The following MALRD1 variants were observed in gnomAD, a reference collection of about 807,000 sequenced individuals.
The protein encoded by MALRD1 is MAM and LDL receptor class A domain containing 1, also known as MAM and LDL-receptor class A domain-containing protein 1.
Under a neutral mutation model 242.1 loss-of-function variants are expected in MALRD1, and 247 were observed. The ratio of observed to expected loss-of-function variants is 1.02; its 90% CI spans 0.92 to 1.13. The LOEUF (loss-of-function observed/expected upper bound fraction) is 1.13. Ranked by LOEUF, MALRD1 falls within the 50% of genes most tolerant of loss-of-function variation. MALRD1 has a pLI of 0.00. For synonymous variants in MALRD1, 995 were observed against 866.6 expected (o/e 1.15, Z -2.60); for missense variants, 2,989 against 2,533.1 (o/e 1.18, Z -3.86).
chr10:19,212,347 T>C (rs1414198471), intron 18 of MALRD1, among the ~76,000 whole-genome samples: 1 of 152,224 alleles, frequency 6.6e-6, no homozygotes, highest in African/African-American at 2.4e-5. Flanking sequence ...TATGCACTTT[T>C]TTGTCTGACA....
intron 36 of MALRD1, among the ~76,000 whole-genome samples, chr10:19,654,417 C>T (rs1269028333): frequency 6.6e-6 from 1 of 152,038 alleles, no homozygotes; most frequent in Non-Finnish European, 1.5e-5. Flanking sequence ...ATTTATAGTG[C>T]AAGCATCAAT....
intron 36 of MALRD1, among the ~76,000 whole-genome samples, chr10:19,656,736 A>G (rs1841170109): frequency 6.6e-6 from 1 of 152,188 alleles, no homozygotes; most frequent in African/African-American, 2.4e-5. Flanking sequence ...TGATGATTTT[A>G]GAGCAGACAA....
rs903350106 is a variant in MALRD1 at position 19,498,475 on chromosome 10, G to C, written c.5159-10G>C. 2.0e-6 allele frequency: 3 copies of C among 1,535,380 alleles called. No homozygotes were observed. In the African/African-American group the frequency reaches 4.2e-5, roughly 21 times the overall value. ...TTCCAGAAATTCCATTAATGTTTTT[G>C]CTTCCCCAGCACATTATACAAGCAC... On this transcript the variant is annotated splice_polypyrimidine_tract_variant and intron_variant, in intron 30 of 39. Coordinates refer to ENST00000454679, the MANE Select transcript of MALRD1 (RefSeq NM_001142308.3).
chr10:19,345,498 G>T (rs1372728172), intron 24 of MALRD1, among the ~76,000 whole-genome samples: 2 of 151,976 alleles, frequency 1.3e-5, no homozygotes, highest in East Asian at 3.9e-4. Context: ...CCTTTGAAAG[G>T]ATACTTAGAA....
chr10:19,211,705 A>C (rs951167847), intron 18 of MALRD1, among the ~76,000 whole-genome samples: 15 of 150,762 alleles, frequency 9.9e-5, no homozygotes, highest in Non-Finnish European at 1.3e-4. Context: ...AAAAAAAAAA[A>C]AAAAAAAAAA....
intron 38 of MALRD1, among the ~76,000 whole-genome samples, chr10:19,720,911 T>C (rs981401590): frequency 1.3e-5 from 2 of 152,152 alleles, no homozygotes; most frequent in Non-Finnish European, 2.9e-5. Flanking sequence ...CATTTGAGAC[T>C]GTGAGTTACA....
chr10:19,717,657 G>T (rs577097065), intron 38 of MALRD1, among the ~76,000 whole-genome samples: 1 of 152,264 alleles, frequency 6.6e-6, no homozygotes, highest in Middle Eastern at 3.4e-3. Flanking sequence ...ACCTCCAGAA[G>T]TCCAGAGCCC....
chr10:19,610,924 C>G (rs1477326219), intron 35 of MALRD1, among the ~76,000 whole-genome samples: 1 of 151,794 alleles, frequency 6.6e-6, no homozygotes, highest in East Asian at 1.9e-4. Context: ...CATAGCAGGC[C>G]TTACGTAAAT....
intron 32 of MALRD1, among the ~76,000 whole-genome samples, chr10:19,546,706 T>A (rs1212371517): frequency 2.0e-5 from 3 of 152,242 alleles, no homozygotes; most frequent in Non-Finnish European, 4.4e-5. Flanking sequence ...GTTCTGTTTA[T>A]GTATTTTCAT....
At chr10:19,286,264 G>T (rs1057160427) in intron 21 of MALRD1, among the ~76,000 whole-genome samples, 83 of 149,034 alleles carry the variant, frequency 5.6e-4, no homozygotes, top group African/African-American at 1.9e-3. Flanking sequence ...CTGCCTGATT[G>T]CCCTGGCCAG....
rs532775321 is a variant in MALRD1, at chr10:19,409,304, G to T, written c.4845+19695G>T. On this transcript the variant is annotated intron_variant, in intron 28 of 39. Coordinates refer to ENST00000454679, the MANE Select transcript of MALRD1 (RefSeq NM_001142308.3). ...CGAATTCCTTCAGAAATAGATAACA[G>T]GCTGGGTGAGTGCAGTGGCTTACAC... Among the ~76,000 whole-genome samples, 26 of 152,184 alleles carry T rather than the reference G, an allele frequency of 1.7e-4. No individual in the cohort carries two copies. In the South Asian group the frequency reaches 4.4e-3, roughly 25 times the overall value.
intron 31 of MALRD1, among the ~76,000 whole-genome samples, chr10:19,512,286 G>A (rs1166432867): frequency 6.6e-6 from 1 of 152,130 alleles, no homozygotes; most frequent in Non-Finnish European, 1.5e-5. Context: ...ATAAGAACAG[G>A]AGATACAGGC....
At position 19,097,203 on chromosome 10, in the gene MALRD1, G is replaced by A. The variant is rs142261441; in HGVS notation, c.598-6776G>A. On this transcript the variant is annotated intron_variant, in intron 4 of 39. Transcript: ENST00000454679. The stretch of plus-strand genomic sequence containing the variant: ...AATTCACTGAGAATTACAAGCTTTA[G>A]AGAGTTAAATAACCTACTAAATCCC... 7.6e-3 allele frequency among the ~76,000 whole-genome samples: 1,153 copies of A among 152,232 alleles called. 16 individuals carry two copies. The highest frequency in any genetic ancestry group is 0.026 in the African/African-American group (1,085 of 41,530).
chr10:19,398,099 C>T (rs1004977918), intron 28 of MALRD1, among the ~76,000 whole-genome samples: 1 of 151,874 alleles, frequency 6.6e-6, no homozygotes, highest in African/African-American at 2.4e-5. Flanking sequence ...ATATTTTATA[C>T]CATTCTGTAG....
intron 28 of MALRD1, among the ~76,000 whole-genome samples, chr10:19,450,080 G>A (rs943705832): frequency 4.6e-5 from 7 of 152,206 alleles, no homozygotes; most frequent in African/African-American, 1.2e-4. Flanking sequence ...GCAGTATTAC[G>A]AGCCCTTAGT....
intron 28 of MALRD1, 91 bp downstream of exon 28, chr10:19,389,700 TGCA>T: frequency 7.4e-7 from 1 of 1,354,264 alleles, no homozygotes; most frequent in South Asian, 1.5e-5. Flanking sequence ...AGTGCAGTGG[TGCA>T]GTCATGGCTT....
chr10:19,306,251 C>T (rs1302742440), intron 21 of MALRD1, among the ~76,000 whole-genome samples: 1 of 126,864 alleles, frequency 7.9e-6, no homozygotes, highest in Admixed American at 8.7e-5. Context: ...ATATACTATA[C>T]TATAGTATAG....
At chr10:19,259,755 C>G (rs964659313) in intron 19 of MALRD1, among the ~76,000 whole-genome samples, 3 of 152,136 alleles carry the variant, frequency 2.0e-5, no homozygotes, top group Non-Finnish European at 4.4e-5. Flanking sequence ...AGATGTCTAT[C>G]TGACTCTCTC....
chr10:19,691,328 T>G (rs1215728721), intron 36 of MALRD1, among the ~76,000 whole-genome samples: 2 of 152,106 alleles, frequency 1.3e-5, no homozygotes, highest in African/African-American at 4.8e-5. Context: ...AGAAGCTGAT[T>G]GCTTTTGTGA....
Sources: allele counts gnomAD v4.1 joint callset (sites outside exome capture counted in the v4.1 genomes callset), GRCh38; gene constraint gnomAD v4.1.1; transcripts MANE v1.5; gene names NCBI Gene and HGNC (gene_info 2026-07-23, HGNC 2026-07-21).